PSIP1: variants seen among roughly 807,000 people sequenced by gnomAD.
PSIP1 encodes the protein PC4 and SFRS1-interacting protein.
In PSIP1, 19 loss-of-function variants were observed where a neutral mutation model predicts 74.7. That is an observed-to-expected ratio of 0.25 (90% CI 0.18 to 0.37). The LOEUF is 0.37. PSIP1 is among the 10% of genes least tolerant of loss of function. The pLI is 1.00. For missense variants in PSIP1, 601 were observed against 614.3 expected (o/e 0.98, Z 0.23); for synonymous variants, 222 against 195.3 (o/e 1.14, Z -1.14).
At chr9:15,491,278 C>G (rs2036818465) in intron 3 of PSIP1, among the ~76,000 whole-genome samples, 1 of 151,094 alleles carries the variant, frequency 6.6e-6, no homozygotes, top group African/African-American at 2.5e-5. Flanking sequence ...AAATGACCAA[C>G]AAAAGCAAAA....
rs2036686998 is a variant in PSIP1 at position 15,488,877 on chromosome 9, C to CT, written c.288+1108_288+1109insA. 2.6e-5 allele frequency among the ~76,000 whole-genome samples: 4 copies of CT among 151,228 alleles called. No homozygotes were observed. In the South Asian group the frequency reaches 8.3e-4, roughly 32 times the overall value. ...TCTACTAAAAATACAAAAAATTAGC[C>CT]GGGTGTGGTGGCGGGCACCTGTAGT... On this transcript the variant is annotated intron_variant, in intron 4 of 15. Transcript: ENST00000380733.
chr9:15,471,603 A>T lies in PSIP1; in HGVS notation c.977+1029T>A, dbSNP rs749740429. 6,266 of 948,984 alleles carry T rather than the reference A, an allele frequency of 6.6e-3. 28 individuals carry two copies. The highest frequency in any genetic ancestry group is 7.3e-3 in the Non-Finnish European group (5,829 of 796,890). The allele number at this position is 948,984 out of a possible 1,614,324, so 58.8% of individuals were successfully genotyped here. ...AACTTAAATATTTACAGAAGTGCTTAAAGTCTAACATTAGAGGGAATAATA... is the reference window on the plus strand; with the variant it reads ...AACTTAAATATTTACAGAAGTGCTTTAAGTCTAACATTAGAGGGAATAATA... On this transcript the variant is annotated intron_variant, in intron 10 of 15. Transcript: ENST00000380733.
chr9:15,465,492 G>A lies in PSIP1; in HGVS notation c.*28C>T, dbSNP rs2035557338. ...ATGAAAACCATTACAAACTTCTCAA[G>A]TGTTCTCTATATTCCAGGTATGTCA... On this transcript the variant is annotated 3_prime_UTR_variant, in exon 16 of 16. Transcript: ENST00000380733. 2 of 1,491,876 alleles carry A rather than the reference G, an allele frequency of 1.3e-6. No homozygotes were observed. Among genetic ancestry groups the A allele is most frequent in the African/African-American group, 2.8e-5 (2 of 70,522 alleles). 92.4% of individuals were successfully genotyped at this position (1,491,876 alleles called of 1,614,324 possible).
At position 15,466,162 on chromosome 9, in the gene PSIP1, G is replaced by A. The variant is rs140480596; in HGVS notation, c.1533-582C>T. 4.9e-3 allele frequency among the ~76,000 whole-genome samples: 743 copies of A among 152,306 alleles called. 4 individuals are homozygous for A. Among genetic ancestry groups the A allele is most frequent in the African/African-American group, 0.017 (724 of 41,560 alleles). ...GGAAGCCAAGGTGGGTGGATCACCT[G>A]AGGTCAGGAGTTCGAGGCCGGGCTG... On this transcript the variant is annotated intron_variant, in intron 15 of 15. Coordinates refer to ENST00000380733, the MANE Select transcript of PSIP1 (RefSeq NM_033222.5).
At chr9:15,502,402 G>C (rs2132218564) in intron 3 of PSIP1, among the ~76,000 whole-genome samples, 1 of 152,250 alleles carries the variant, frequency 6.6e-6, no homozygotes, top group East Asian at 1.9e-4. Context: ...TGTATATGAA[G>C]AGTGGAAACT....
chr9:15,479,726 G>T, intron 6 of PSIP1, 39 bp from the exon 7 acceptor site: 1 of 1,542,530 alleles, frequency 6.5e-7, no homozygotes. Flanking sequence ...TTAGCAAATA[G>T]TAGGCACTCA....
chr9:15,503,769 CAG>C (rs936545082), intron 3 of PSIP1, among the ~76,000 whole-genome samples: 1 of 152,000 alleles, frequency 6.6e-6, no homozygotes, highest in Non-Finnish European at 1.5e-5. Flanking sequence ...TTTTTAGAGA[CAG>C]AGTCTCACTC....
chr9:15,487,456 A>G lies in PSIP1; in HGVS notation c.289-525T>C, dbSNP rs142586220. The stretch of plus-strand genomic sequence containing the variant: ...CCAAAAATACAAAAATTAGCCAGGC[A>G]TGGTGGCACGCGCCTGTAATCCCAG... On this transcript the variant is annotated intron_variant, in intron 4 of 15. Transcript: ENST00000380733. Among the ~76,000 whole-genome samples the G allele has an allele frequency of 4.9e-3, 749 of 152,038 alleles. 5 individuals carry two copies. Among genetic ancestry groups the G allele is most frequent in the African/African-American group, 0.018 (730 of 41,496 alleles).
intron 1 of PSIP1, 90 bp from the exon 2 acceptor site, chr9:15,510,419 G>A (rs1001389209): frequency 1.2e-5 from 4 of 331,168 alleles, no homozygotes; most frequent in African/African-American, 8.9e-5. Flanking sequence ...GGTGGGGGTG[G>A]GAGAGCGAGG....
Position 15,486,872 on chromosome 9 carries a change from A to G in PSIP1, c.348T>C (p.Ser116=), listed in dbSNP as rs2821529. The G allele has an allele frequency of 0.048, 76,793 of 1,611,922 alleles. 2,348 individuals are homozygous for G. The highest frequency in any genetic ancestry group is 0.14 in the African/African-American group (10,750 of 74,824). The part of the protein sequence containing the change: ...SDVEVEEKET[S]VSKEDTDHEE... ...CATGGTCGGTATCTTCCTTTGAAAC[A>G]CTAGTTTCCTTTTCTTCAACTTCAA... Residue 116 remains serine (S), a synonymous_variant, in exon 5 of 16, where the codon AGT becomes AGC. Transcript: ENST00000380733.
intron 15 of PSIP1, 22 bp from the exon 16 acceptor site, chr9:15,465,602 A>C (rs773768174): frequency 3.3e-6 from 5 of 1,532,398 alleles, no homozygotes; most frequent in Non-Finnish European, 4.5e-6. Flanking sequence ...GGGGAAAGGT[A>C]CAACTGGAAT....
rs949014557 is a variant in PSIP1, at chr9:15,464,622, T to C, written c.*898A>G. The C allele has an allele frequency of 1.5e-5, 3 of 198,060 alleles. No homozygotes were observed. The highest frequency in any genetic ancestry group is 3.1e-5 in the Non-Finnish European group (3 of 95,934). The allele number at this position is 198,060 out of a possible 1,614,324, so 12.3% of individuals were successfully genotyped here. ...ATAACATTTATTCATATTTATTGTA[T>C]AAGCATCATGATTTTTTCTTCCAAT... On this transcript the variant is annotated 3_prime_UTR_variant, in exon 16 of 16. Coordinates refer to ENST00000380733, the MANE Select transcript of PSIP1 (RefSeq NM_033222.5).
chr9:15,504,996 T>A (rs1344037878), intron 3 of PSIP1: 1 of 144,130 alleles, frequency 6.9e-6, no homozygotes, highest in Non-Finnish European at 1.5e-5. Flanking sequence ...AGGTCTGCAG[T>A]GGTGAGATCT....
intron 3 of PSIP1, among the ~76,000 whole-genome samples, chr9:15,504,533 C>G (rs527746313): frequency 6.6e-6 from 1 of 151,958 alleles, no homozygotes; most frequent in South Asian, 2.1e-4. Flanking sequence ...GTCAGGAGAT[C>G]GAGACCATCC....
At chr9:15,491,177 G>A (rs778768239) in intron 3 of PSIP1, among the ~76,000 whole-genome samples, 9 of 152,130 alleles carry the variant, frequency 5.9e-5, no homozygotes, top group Non-Finnish European at 1.0e-4. Context: ...TGTAACATGC[G>A]CTTTCTCTGT....
chr9:15,474,478 A>G (rs1317956653), intron 8 of PSIP1, among the ~76,000 whole-genome samples: 1 of 152,230 alleles, frequency 6.6e-6, no homozygotes, highest in African/African-American at 2.4e-5. Flanking sequence ...GTAAGAATAA[A>G]TTATGTTTAA....
At position 15,469,348 on chromosome 9, in the gene PSIP1, AAT is replaced by A. The variant is rs760313421; in HGVS notation, c.1034-14_1034-13del. 13 of 1,521,860 alleles carry A rather than the reference AAT, an allele frequency of 8.5e-6. No homozygotes were observed. In the East Asian group the frequency reaches 2.9e-4, roughly 34 times the overall value. 94.3% of individuals were successfully genotyped at this position (1,521,860 alleles called of 1,614,324 possible). On this transcript the variant is annotated splice_polypyrimidine_tract_variant and intron_variant, in intron 11 of 15. Transcript: ENST00000380733. The stretch of plus-strand genomic sequence containing the variant: ...ATCCATTGATGTTTCTACAAATTAA[AAT>A]ATGTGAAAAACAGTGAACAGTTTTT...
intron 2 of PSIP1, among the ~76,000 whole-genome samples, chr9:15,509,547 G>C (rs1254353715): frequency 6.6e-6 from 1 of 152,218 alleles, no homozygotes; most frequent in East Asian, 1.9e-4. Context: ...AAGGAGAAAT[G>C]AATTTTCTGG....
intron 6 of PSIP1, among the ~76,000 whole-genome samples, chr9:15,483,571 T>TA (rs990818063): frequency 6.6e-5 from 10 of 151,278 alleles, no homozygotes; most frequent in Non-Finnish European, 8.9e-5. Flanking sequence ...ATTTTTTGTC[T>TA]AAAAAAAAAT....
Sources: gnomAD v4.1 joint callset for allele counts (sites outside exome capture counted in the v4.1 genomes callset) on GRCh38, gnomAD v4.1.1 for gene constraint, MANE v1.5 for transcripts, NCBI Gene and HGNC (gene_info 2026-07-23, HGNC 2026-07-21) for gene names.